PARD3B: variants seen among roughly 807,000 people sequenced by gnomAD.
PARD3B encodes the protein partitioning defective 3 homolog B.
In PARD3B, 103 loss-of-function variants were observed where a neutral mutation model predicts 130.2. That is an observed-to-expected ratio of 0.79 (90% CI 0.67 to 0.93). The LOEUF (loss-of-function observed/expected upper bound fraction) is 0.93, where lower values mean the gene tolerates loss of function less well. Among genes scored for constraint, PARD3B ranks in the 40% least tolerant of loss-of-function variants. PARD3B has a pLI of 0.00. For missense variants in PARD3B, 1,609 were observed against 1,499.2 expected (o/e 1.07, Z -1.21); for synonymous variants, 583 against 553.2 (o/e 1.05, Z -0.76).
At chr2:205,416,698 G>A (rs1255308511) in intron 19 of PARD3B, among the ~76,000 whole-genome samples, 1 of 152,018 alleles carries the variant, frequency 6.6e-6, no homozygotes, top group Non-Finnish European at 1.5e-5. Flanking sequence ...CCCCTTTATG[G>A]AAGATTGATG....
At position 205,011,367 on chromosome 2, in the gene PARD3B, C is replaced by T. The variant is rs953101418; in HGVS notation, c.395-36214C>T. Among the ~76,000 whole-genome samples, 1 of 152,118 alleles carries T rather than the reference C, an allele frequency of 6.6e-6. No individual in the cohort carries two copies. The highest frequency in any genetic ancestry group is 1.5e-5 in the Non-Finnish European group (1 of 68,018). On this transcript the variant is annotated intron_variant, in intron 3 of 22. Coordinates refer to ENST00000406610, the MANE Select transcript of PARD3B (RefSeq NM_001302769.2). This position sits in a 1 kb window ranked among gnomAD's most constrained non-coding sequence, Gnocchi z 4.1. ...GTGTGGGTGCTGGCAGTCCTAATTTCCTCAGGTTGTCAGTATGTCCCTAGG... is the reference window on the plus strand; with the variant it reads ...GTGTGGGTGCTGGCAGTCCTAATTTTCTCAGGTTGTCAGTATGTCCCTAGG...
intron 21 of PARD3B, among the ~76,000 whole-genome samples, chr2:205,526,725 A>G (rs2051354767): frequency 6.6e-6 from 1 of 152,190 alleles, no homozygotes; most frequent in African/African-American, 2.4e-5. Flanking sequence ...CAAGATTACC[A>G]CTTCTGCTTA....
At chr2:204,657,267 T>TA (rs1343011308) in intron 1 of PARD3B, among the ~76,000 whole-genome samples, 1 of 152,210 alleles carries the variant, frequency 6.6e-6, no homozygotes, top group Non-Finnish European at 1.5e-5. Context: ...CTCACTCCTG[T>TA]AATCCCAGCA....
At chr2:204,865,392 C>T (rs941820851) in intron 2 of PARD3B, among the ~76,000 whole-genome samples, 2 of 152,136 alleles carry the variant, frequency 1.3e-5, no homozygotes, top group Non-Finnish European at 2.9e-5. Flanking sequence ...TGCAAATGCC[C>T]ATCAATCAAC....
At position 204,664,209 on chromosome 2, in the gene PARD3B, C is replaced by G. The variant is rs1239976737; in HGVS notation, c.121-21972C>G. Among the ~76,000 whole-genome samples, 1 of 152,132 alleles carries G rather than the reference C, an allele frequency of 6.6e-6. No individual in the cohort carries two copies. The highest frequency in any genetic ancestry group is 1.9e-4 in the East Asian group (1 of 5,186). On this transcript the variant is annotated intron_variant, in intron 1 of 22. Coordinates refer to ENST00000406610, the MANE Select transcript of PARD3B (RefSeq NM_001302769.2). This position sits in a 1 kb window ranked among gnomAD's most constrained non-coding sequence, Gnocchi z 5.2. ...GAACCTTCATTCTTAACTCAAATCT[C>G]AAAAATAGATGACAAGGCAGAAAAT...
Position 205,527,835 on chromosome 2 carries a change from A to G in PARD3B, c.3181-25489A>G, listed in dbSNP as rs77989918. ...CAAGACATACCATATTCATCTTAGG[A>G]GTAACACAGAAGTTTCCCCAGATAC... On this transcript the variant is annotated intron_variant, in intron 21 of 22. Transcript: ENST00000406610. Among the ~76,000 whole-genome samples, 51 of 152,342 alleles carry G rather than the reference A, an allele frequency of 3.3e-4. No homozygotes were observed. The East Asian group carries it at 8.1e-3, about 24-fold the overall frequency.
At chr2:204,741,622 C>T (rs2040014222) in intron 2 of PARD3B, among the ~76,000 whole-genome samples, 1 of 152,116 alleles carries the variant, frequency 6.6e-6, no homozygotes, top group African/African-American at 2.4e-5. Flanking sequence ...AGAAGAAAAT[C>T]TTGAAAAGTC....
intron 16 of PARD3B, among the ~76,000 whole-genome samples, chr2:205,284,327 C>G (rs2041305683): frequency 6.6e-6 from 1 of 152,170 alleles, no homozygotes; most frequent in African/African-American, 2.4e-5. Context: ...AATATTCCCT[C>G]CCTCCCTAAA....
At chr2:204,603,409 T>G (rs1559179516) in intron 1 of PARD3B, among the ~76,000 whole-genome samples, 1 of 152,158 alleles carries the variant, frequency 6.6e-6, no homozygotes, top group Non-Finnish European at 1.5e-5. Flanking sequence ...GTTTCAGTGG[T>G]TATTGTTTGT....
rs566512713 is a variant in PARD3B, at chr2:204,799,050, C to A, written c.222+112768C>A. 6.6e-6 allele frequency among the ~76,000 whole-genome samples: 1 copy of A among 152,082 alleles called. No individual in the cohort carries two copies. Among genetic ancestry groups the A allele is most frequent in the African/African-American group, 2.4e-5 (1 of 41,426 alleles). ...CCTTTACTCACCAGCTCAGCCACAG[C>A]GAAGTGGAGCAGCAAATGGGGACCC... is the stretch of plus-strand genomic sequence containing the variant. On this transcript the variant is annotated intron_variant, in intron 2 of 22. Coordinates refer to ENST00000406610, the MANE Select transcript of PARD3B (RefSeq NM_001302769.2). The surrounding 1 kb of genome is among the most constrained non-coding windows in gnomAD (Gnocchi z 4.1).
intron 21 of PARD3B, among the ~76,000 whole-genome samples, chr2:205,501,562 C>A (rs2050160461): frequency 1.3e-5 from 2 of 152,166 alleles, no homozygotes; most frequent in South Asian, 4.1e-4. Flanking sequence ...GCCAAACAAG[C>A]AATAAAATAA....
chr2:204,764,970 G>C (rs2041080741), intron 2 of PARD3B, among the ~76,000 whole-genome samples: 1 of 151,940 alleles, frequency 6.6e-6, no homozygotes, highest in Admixed American at 6.6e-5. Context: ...ATATTCCAGT[G>C]AGACTTTAGA....
At chr2:204,837,169 A>G (rs1175578739) in intron 2 of PARD3B, among the ~76,000 whole-genome samples, 3 of 152,148 alleles carry the variant, frequency 2.0e-5, no homozygotes, top group Non-Finnish European at 4.4e-5. Flanking sequence ...AGTAATAACA[A>G]TGACGTTATC....
At chr2:205,014,099 T>C (rs568502757) in intron 3 of PARD3B, among the ~76,000 whole-genome samples, 4 of 152,326 alleles carry the variant, frequency 2.6e-5, no homozygotes, top group African/African-American at 7.2e-5. Flanking sequence ...TCTTCATCTA[T>C]TCATATTGGC....
intron 22 of PARD3B, among the ~76,000 whole-genome samples, chr2:205,559,666 T>C (rs1342242112): frequency 6.9e-6 from 1 of 145,648 alleles, no homozygotes; most frequent in Admixed American, 7.1e-5. Flanking sequence ...TGGTGTGATC[T>C]CGGCTCACCG....
At chr2:205,552,423 T>C (rs1317549489) in intron 21 of PARD3B, among the ~76,000 whole-genome samples, 1 of 152,166 alleles carries the variant, frequency 6.6e-6, no homozygotes, top group Non-Finnish European at 1.5e-5. Context: ...TATTTATTTA[T>C]TTTGAGACAA....
At chr2:205,278,565 G>C (rs902707814) in intron 16 of PARD3B, among the ~76,000 whole-genome samples, 1 of 152,160 alleles carries the variant, frequency 6.6e-6, no homozygotes, top group African/African-American at 2.4e-5. Flanking sequence ...TGAGTTAGCT[G>C]ATGTGGGAGA....
In PARD3B at chr2:205,310,719, C is replaced by CTTTTTTTTTTTTTTTT. The variant is rs34032930; in HGVS notation, c.2630+9025_2630+9040dup. Among the ~76,000 whole-genome samples the CTTTTTTTTTTTTTTTT allele has an allele frequency of 6.8e-4, 56 of 82,598 alleles. 1 individual carries two copies. Among genetic ancestry groups the CTTTTTTTTTTTTTTTT allele is most frequent in the African/African-American group, 1.5e-3 (28 of 18,498 alleles). 54.2% of individuals were successfully genotyped at this position (82,598 alleles called of 152,430 possible). On this transcript the variant is annotated intron_variant, in intron 18 of 22. Coordinates refer to ENST00000406610, the MANE Select transcript of PARD3B (RefSeq NM_001302769.2). ...TATTTCTTCCTTTCTTTCTTTCTTT[C>CTTTTTTTTTTTTTTTT]TTTTTTTTTTTTTTTTTTTTTTGAG...
At chr2:204,757,748 T>C (rs538614750) in intron 2 of PARD3B, among the ~76,000 whole-genome samples, 1 of 152,248 alleles carries the variant, frequency 6.6e-6, no homozygotes, top group East Asian at 1.9e-4. Context: ...AACAAAAGAT[T>C]GGTGACTGTA....
Sources: allele counts gnomAD v4.1 joint callset (sites outside exome capture counted in the v4.1 genomes callset), GRCh38; gene constraint gnomAD v4.1.1; non-coding constraint Gnocchi (gnomAD v3.1); transcripts MANE v1.5; gene names NCBI Gene and HGNC (gene_info 2026-07-23, HGNC 2026-07-21).